USH2A: variants seen among roughly 807,000 people sequenced by gnomAD.
The protein encoded by USH2A is Usher syndrome 2A (autosomal recessive, mild).
USH2A carries 443 observed loss-of-function variants against 538.9 expected under a neutral mutation model. The ratio of observed to expected loss-of-function variants is 0.82; its 90% confidence interval spans 0.76 to 0.89. The LOEUF is 0.89. Ranked by LOEUF, USH2A falls within the 40% of genes least tolerant of loss-of-function variation. USH2A has a pLI of 0.00. For synonymous variants in USH2A, 2,413 were observed against 2,273.5 expected (o/e 1.06, Z -1.75); for missense variants, 6,633 against 6,324.8 (o/e 1.05, Z -1.65).
rs563558094 is a variant in USH2A at position 216,187,890 on chromosome 1, T to G, written c.4396+2333A>C. Among the ~76,000 whole-genome samples the G allele has an allele frequency of 3.1e-4, 47 of 152,132 alleles. 2 individuals carry two copies. In the South Asian group the frequency reaches 9.7e-3, roughly 32 times the overall value. ...GATAATTTATATAAGGTCACACAGCTAGTCAATGGCAGAGCCCGGATTGAA... is the reference window on the plus strand; with the variant it reads ...GATAATTTATATAAGGTCACACAGCGAGTCAATGGCAGAGCCCGGATTGAA... On this transcript the variant is annotated intron_variant, in intron 20 of 71. Coordinates refer to ENST00000307340, the MANE Select transcript of USH2A (RefSeq NM_206933.4).
chr1:216,150,595 C>T (rs2102619551), intron 21 of USH2A, among the ~76,000 whole-genome samples: 1 of 152,260 alleles, frequency 6.6e-6, no homozygotes, highest in Middle Eastern at 3.4e-3. Flanking sequence ...CTTTAACAGC[C>T]CTCACCTTTA....
At chr1:215,828,248 G>A (rs532745823) in intron 47 of USH2A, among the ~76,000 whole-genome samples, 2 of 151,944 alleles carry the variant, frequency 1.3e-5, no homozygotes, top group Non-Finnish European at 1.5e-5. Context: ...CCAGGAGTTC[G>A]AAAGACCAGC....
At chr1:215,688,488 G>A (rs901466574) in intron 61 of USH2A, among the ~76,000 whole-genome samples, 13 of 152,132 alleles carry the variant, frequency 8.5e-5, no homozygotes, top group South Asian at 2.1e-4. Flanking sequence ...GGAGGCCATT[G>A]CATTTGTCTA....
At chr1:216,415,402 A>C (rs1558078466) in intron 3 of USH2A, among the ~76,000 whole-genome samples, 1 of 151,920 alleles carries the variant, frequency 6.6e-6, no homozygotes, top group Admixed American at 6.6e-5. Flanking sequence ...TACATTCCTT[A>C]TTAAACAACT....
chr1:215,967,135 T>C lies in USH2A; in HGVS notation c.6958-1656A>G, dbSNP rs116752286. 2.0e-3 allele frequency among the ~76,000 whole-genome samples: 303 copies of C among 152,304 alleles called. 1 individual carries two copies. Among genetic ancestry groups the C allele is most frequent in the African/African-American group, 7.1e-3 (295 of 41,582 alleles). ...CAGAAAAAATATTTGAGAGCAAATG[T>C]GCAATAAAACATACAAACACTTTAA... On this transcript the variant is annotated intron_variant, in intron 36 of 71. Coordinates refer to ENST00000307340, the MANE Select transcript of USH2A (RefSeq NM_206933.4).
intron 3 of USH2A, among the ~76,000 whole-genome samples, chr1:216,376,231 TA>T (rs2038818817): frequency 6.6e-6 from 1 of 152,122 alleles, no homozygotes; most frequent in East Asian, 1.9e-4. Flanking sequence ...AAAATAAAAA[TA>T]AAAATAAAAC....
chr1:215,673,422 G>A (rs1361525048), intron 63 of USH2A, among the ~76,000 whole-genome samples: 2 of 152,148 alleles, frequency 1.3e-5, no homozygotes, highest in East Asian at 3.8e-4. Context: ...GGGGATGTAA[G>A]TTACTTAAAA....
At chr1:216,165,806 C>A (rs1020174643) in intron 21 of USH2A, among the ~76,000 whole-genome samples, 2 of 71,294 alleles carry the variant, frequency 2.8e-5, no homozygotes, top group East Asian at 1.2e-3. Flanking sequence ...AGCAAACAAC[C>A]AGTTTTTTTT....
intron 49 of USH2A, among the ~76,000 whole-genome samples, chr1:215,803,349 G>C (rs965698484): frequency 6.6e-6 from 1 of 152,150 alleles, no homozygotes; most frequent in Non-Finnish European, 1.5e-5. Flanking sequence ...AATTGTCCCT[G>C]TTTGCAGATG....
chr1:215,653,745 C>G (rs542146782), intron 64 of USH2A, among the ~76,000 whole-genome samples: 109 of 152,148 alleles, frequency 7.2e-4, no homozygotes, highest in African/African-American at 2.5e-3. Flanking sequence ...TGTCTATGCC[C>G]GGCTAAGCAA....
intron 66 of USH2A, among the ~76,000 whole-genome samples, 179 bp from the exon 67 acceptor site, chr1:215,647,909 C>T (rs867509946): frequency 2.6e-5 from 4 of 152,140 alleles, no homozygotes; most frequent in South Asian, 2.1e-4. Flanking sequence ...CTATTGGAAA[C>T]GAGCAGCAGA....
rs536364451 is a variant in USH2A at position 215,809,131 on chromosome 1, T to A, written c.9739+4605A>T. On this transcript the variant is annotated intron_variant, in intron 49 of 71. Coordinates refer to ENST00000307340, the MANE Select transcript of USH2A (RefSeq NM_206933.4). Reference sequence around the variant, plus strand: ...AACAGTAAAGTTACTGTATTTGTTATCTTCCCCTGGGTAAAATAATTCTAT... The same window carrying A: ...AACAGTAAAGTTACTGTATTTGTTAACTTCCCCTGGGTAAAATAATTCTAT... Among the ~76,000 whole-genome samples the A allele has an allele frequency of 6.6e-5, 10 of 152,294 alleles. No individual in the cohort carries two copies. In the East Asian group the frequency reaches 1.9e-3, roughly 29 times the overall value.
chr1:216,228,352 G>T (rs1418765718), intron 14 of USH2A, among the ~76,000 whole-genome samples: 1 of 152,032 alleles, frequency 6.6e-6, no homozygotes, highest in Non-Finnish European at 1.5e-5. Context: ...CCTCTGAAAA[G>T]GAAAACCTGG....
intron 58 of USH2A, among the ~76,000 whole-genome samples, chr1:215,756,881 C>T (rs1660810200): frequency 6.6e-6 from 1 of 151,766 alleles, no homozygotes; most frequent in Admixed American, 6.6e-5. Context: ...CCACTGCACT[C>T]CAGCCTGGGT....
chr1:215,965,620 G>C, intron 36 of USH2A, 141 bp from the exon 37 acceptor site: 4 of 961,600 alleles, frequency 4.2e-6, no homozygotes, highest in Non-Finnish European at 6.1e-6. Context: ...ACCTCATTTT[G>C]TCAGCAGGAT....
chr1:216,419,205 T>A (rs1207087274), intron 2 of USH2A, among the ~76,000 whole-genome samples: 2 of 152,064 alleles, frequency 1.3e-5, no homozygotes, highest in South Asian at 2.1e-4. Flanking sequence ...ACTCACCCCA[T>A]CATCAACTGG....
chr1:216,045,847 A>C (rs944516439), intron 32 of USH2A, among the ~76,000 whole-genome samples: 1 of 152,148 alleles, frequency 6.6e-6, no homozygotes, highest in Non-Finnish European at 1.5e-5. Flanking sequence ...GGGTGGAGGG[A>C]GGTAACATGA....
intron 63 of USH2A, among the ~76,000 whole-genome samples, chr1:215,672,558 A>T (rs1034427848): frequency 1.9e-4 from 29 of 152,188 alleles, no homozygotes; most frequent in African/African-American, 7.0e-4. Flanking sequence ...GATTTCCCAC[A>T]TAAAGATTAT....
At chr1:215,627,898 A>G (rs1328474296) in intron 71 of USH2A, among the ~76,000 whole-genome samples, 1 of 152,154 alleles carries the variant, frequency 6.6e-6, no homozygotes, top group Non-Finnish European at 1.5e-5. Context: ...AGTTAGCACA[A>G]TGAAATTTGA....
Sources: gnomAD v4.1 joint callset for allele counts (sites outside exome capture counted in the v4.1 genomes callset) on GRCh38, gnomAD v4.1.1 for gene constraint, MANE v1.5 for transcripts, NCBI Gene and HGNC (gene_info 2026-07-23, HGNC 2026-07-21) for gene names.